Variants in ATF6 observed in about 807,000 individuals in gnomAD.
ATF6 encodes the protein activating transcription factor 6.
A neutral mutation model predicts 83.6 loss-of-function variants in ATF6; 53 were observed. The ratio of observed to expected loss-of-function variants is 0.63; its 90% CI spans 0.51 to 0.80. ATF6 has a LOEUF of 0.80. Among genes scored for constraint, ATF6 ranks in the 30% least tolerant of loss-of-function variants. ATF6 has a pLI of 0.00. For missense variants in ATF6, 744 were observed against 797.9 expected, an observed-to-expected ratio of 0.93 and a Z score of 0.81; for synonymous variants, 288 against 285.8, an observed-to-expected ratio of 1.01 and a Z score of -0.08.
rs7544918 is a variant in ATF6, at chr1:161,890,235, G to A, written c.1720-22061G>A. Among the ~76,000 whole-genome samples the A allele has an allele frequency of 2.8e-3, 428 of 152,282 alleles. 1 individual carries two copies. The highest frequency in any genetic ancestry group is 0.01 in the African/African-American group (421 of 41,574). On this transcript the variant is annotated intron_variant, in intron 14 of 15. Transcript: ENST00000367942. ...ATTGTCCCCAAAAAGATGAGTTTAG[G>A]AAGAGTCATATAACTTAACATTTGT...
intron 14 of ATF6, among the ~76,000 whole-genome samples, chr1:161,905,270 T>C (rs927938564): frequency 6.6e-6 from 1 of 152,194 alleles, no homozygotes; most frequent in Admixed American, 6.5e-5. Context: ...GAGGTAACTT[T>C]TGAGATTCTG....
At chr1:161,821,969 G>C (rs1685774968) in intron 9 of ATF6, among the ~76,000 whole-genome samples, 1 of 152,112 alleles carries the variant, frequency 6.6e-6, no homozygotes, top group African/African-American at 2.4e-5. Flanking sequence ...GTATAATGTG[G>C]GACATGAGGA....
intron 14 of ATF6, among the ~76,000 whole-genome samples, chr1:161,886,780 C>T (rs776767350): frequency 5.3e-5 from 8 of 152,204 alleles, no homozygotes; most frequent in Non-Finnish European, 1.2e-4. Context: ...TAGCCAGTGT[C>T]ACACAGCTAA....
At chr1:161,831,587 C>CCATGGA (rs1686061765) in intron 9 of ATF6, among the ~76,000 whole-genome samples, 1 of 152,080 alleles carries the variant, frequency 6.6e-6, no homozygotes, top group South Asian at 2.1e-4. Flanking sequence ...AAATGTGTCA[C>CCATGGA]ATATACACCA....
chr1:161,767,258 A>T (rs988948024), intron 1 of ATF6, among the ~76,000 whole-genome samples: 2 of 152,128 alleles, frequency 1.3e-5, no homozygotes, highest in African/African-American at 4.8e-5. Flanking sequence ...TCAGCCTTGG[A>T]ACTGGGGGGA....
chr1:161,874,583 TGAATA>T (rs1292858916), intron 14 of ATF6, among the ~76,000 whole-genome samples: 2 of 151,668 alleles, frequency 1.3e-5, no homozygotes, highest in African/African-American at 4.8e-5. Context: ...CATTTTTTAT[TGAATA>T]GAAGTTCAAT....
intron 14 of ATF6, among the ~76,000 whole-genome samples, chr1:161,903,674 G>T (rs188453096): frequency 6.6e-6 from 1 of 151,928 alleles, no homozygotes; most frequent in East Asian, 1.9e-4. Flanking sequence ...ATAAACAATC[G>T]GTGCAATAGG....
At position 161,807,863 on chromosome 1, in the gene ATF6, A is replaced by ATTT. The variant is rs1557971141; in HGVS notation, c.909+5592_909+5593insTTT. Among the ~76,000 whole-genome samples the ATTT allele has an allele frequency of 2.9e-3, 157 of 54,786 alleles. 9 individuals carry two copies. The highest frequency in any genetic ancestry group is 0.013 in the African/African-American group (157 of 12,228). The allele number at this position is 54,786 out of a possible 152,430, so 35.9% of individuals were successfully genotyped here. On this transcript the variant is annotated intron_variant, in intron 7 of 15. Transcript: ENST00000367942. The stretch of plus-strand genomic sequence containing the variant: ...TACTTTTTGTACTTTTTAGTTTGTC[A>ATTT]TCTTTTTTTTTTTTTTTTTTTTTTT...
intron 15 of ATF6, among the ~76,000 whole-genome samples, chr1:161,933,593 T>A (rs1299222750): frequency 6.6e-6 from 1 of 152,228 alleles, no homozygotes; most frequent in Admixed American, 6.5e-5. Context: ...AATCATACTT[T>A]AGAAGTCAAC....
At chr1:161,805,655 G>A (rs890453791) in intron 7 of ATF6, among the ~76,000 whole-genome samples, 4 of 152,082 alleles carry the variant, frequency 2.6e-5, no homozygotes, top group African/African-American at 9.7e-5. Context: ...TAACTTGGTT[G>A]ACCTCAGTAT....
At chr1:161,874,502 C>T (rs1051262243) in intron 14 of ATF6, among the ~76,000 whole-genome samples, 1 of 151,582 alleles carries the variant, frequency 6.6e-6, no homozygotes, top group Non-Finnish European at 1.5e-5. Context: ...AAACAGTCTA[C>T]ATGTAACAGT....
intron 15 of ATF6, among the ~76,000 whole-genome samples, chr1:161,945,694 A>G (rs900242670): frequency 2.6e-5 from 4 of 152,214 alleles, no homozygotes; most frequent in African/African-American, 9.6e-5. Flanking sequence ...AATTTTTCAT[A>G]TCTGGTCTTG....
intron 9 of ATF6, among the ~76,000 whole-genome samples, chr1:161,832,707 G>A (rs1018998305): frequency 2.0e-4 from 31 of 152,358 alleles, no homozygotes; most frequent in African/African-American, 7.0e-4. Flanking sequence ...GAGGCTGGGG[G>A]AGGGGCACCT....
chr1:161,877,673 A>G (rs1365112136), intron 14 of ATF6, among the ~76,000 whole-genome samples: 3 of 152,164 alleles, frequency 2.0e-5, no homozygotes, highest in Non-Finnish European at 2.9e-5. Flanking sequence ...CGAATGATTT[A>G]GTTCGTAGAA....
At chr1:161,952,174 A>G (rs746364195) in intron 15 of ATF6, among the ~76,000 whole-genome samples, 2 of 151,822 alleles carry the variant, frequency 1.3e-5, no homozygotes, top group East Asian at 1.9e-4. Context: ...GGCTCCATCT[A>G]TCTCTTTTCT....
chr1:161,856,209 T>C (rs1442763131), intron 12 of ATF6, among the ~76,000 whole-genome samples: 2 of 152,238 alleles, frequency 1.3e-5, no homozygotes, highest in African/African-American at 2.4e-5. Context: ...AAATGAGGGC[T>C]AGTCTAGGTG....
intron 15 of ATF6, among the ~76,000 whole-genome samples, chr1:161,946,909 T>C (rs1688759075): frequency 6.6e-6 from 1 of 152,222 alleles, no homozygotes. Context: ...ATGACATTTA[T>C]TCATCAGAGC....
At chr1:161,904,311 G>C (rs1363972557) in intron 14 of ATF6, among the ~76,000 whole-genome samples, 1 of 152,172 alleles carries the variant, frequency 6.6e-6, no homozygotes, top group East Asian at 1.9e-4. Flanking sequence ...ATGGAAGCCA[G>C]GTATGGTGAC....
rs913710719 is a variant in ATF6 at position 161,820,963 on chromosome 1, G to A, written c.1096-107G>A. 3 of 579,632 alleles carry A rather than the reference G, an allele frequency of 5.2e-6. No individual in the cohort carries two copies. The African/African-American group carries it at 6.0e-5, about 11-fold the overall frequency. The allele number at this position is 579,632 out of a possible 1,614,324, so 35.9% of individuals were successfully genotyped here. A position where few individuals can be genotyped will look rare whatever the true frequency, so the allele number is the denominator to read the frequency against. The stretch of plus-strand genomic sequence containing the variant: ...TTTAAATAAGACAAGGTATTTGTAA[G>A]ACAAGAGATTTACGTAACCGGTAAA... On this transcript the variant is annotated intron_variant, in intron 8 of 15. Transcript: ENST00000367942.
Sources: gnomAD v4.1 joint callset for allele counts (sites outside exome capture counted in the v4.1 genomes callset) on GRCh38, gnomAD v4.1.1 for gene constraint, MANE v1.5 for transcripts, NCBI Gene and HGNC (gene_info 2026-07-23, HGNC 2026-07-21) for gene names.